The following ANGPT1 variants were observed in gnomAD, a reference collection of about 807,000 sequenced individuals.
ANGPT1 encodes the protein angiopoietin-1.
A neutral mutation model predicts 62.2 loss-of-function variants in ANGPT1; 17 were observed. The ratio of observed to expected loss-of-function variants is 0.27; its 90% confidence interval spans 0.19 to 0.41. The LOEUF (loss-of-function observed/expected upper bound fraction) is 0.41, where lower values mean the gene tolerates loss of function less well. ANGPT1 is among the 10% of genes least tolerant of loss of function. The pLI, the probability that ANGPT1 is intolerant of heterozygous loss-of-function variation, is 1.00. For missense variants in ANGPT1, 478 were observed against 594.9 expected (o/e 0.80, Z 2.04); for synonymous variants, 199 against 198.9 (o/e 1.00, Z 0.00).
intron 4 of ANGPT1, among the ~76,000 whole-genome samples, chr8:107,318,783 G>A (rs749118143): frequency 6.6e-6 from 1 of 151,970 alleles, no homozygotes; most frequent in Admixed American, 6.6e-5. Context: ...GAATGATCAA[G>A]CTAATTAACA....
chr8:107,261,447 T>C (rs1470312947), intron 8 of ANGPT1, among the ~76,000 whole-genome samples: 3 of 152,152 alleles, frequency 2.0e-5, no homozygotes, highest in South Asian at 2.1e-4. Flanking sequence ...GGCTCACACC[T>C]GTAATCCCAG....
intron 7 of ANGPT1, 47 bp downstream of exon 7, chr8:107,284,635 G>A (rs1814095244): frequency 7.5e-7 from 1 of 1,332,404 alleles, no homozygotes; most frequent in African/African-American, 1.5e-5. Context: ...CAATTATTAA[G>A]TGGCTAGGTA....
intron 7 of ANGPT1, among the ~76,000 whole-genome samples, chr8:107,279,236 G>GTT (rs991434076): frequency 1.2e-4 from 19 of 152,210 alleles, no homozygotes; most frequent in African/African-American, 4.6e-4. Context: ...GAATTGAAAG[G>GTT]TAATAAAAAT....
rs920189986 is a variant in ANGPT1, at chr8:107,291,894, G to T, written c.1038+2042C>A. Among the ~76,000 whole-genome samples, 14 of 27,552 alleles carry T rather than the reference G, an allele frequency of 5.1e-4. 1 individual carries two copies. Among genetic ancestry groups the T allele is most frequent in the African/African-American group, 1.5e-3 (12 of 8,182 alleles). The allele number at this position is 27,552 out of a possible 152,430, so 18.1% of individuals were successfully genotyped here. A position where few individuals can be genotyped will look rare whatever the true frequency, so the allele number is the denominator to read the frequency against. ...TACTTTCTATTTCCACTGAAGATGG[G>T]GGGGGGGGGGGGCTTGCCACTTAAT... On this transcript the variant is annotated intron_variant, in intron 6 of 8. Transcript: ENST00000517746.
chr8:107,303,472 T>C (rs1395162546), intron 4 of ANGPT1, 105 bp from the exon 5 acceptor site: 1 of 965,102 alleles, frequency 1.0e-6, no homozygotes. Flanking sequence ...TCCACACAAA[T>C]GTCAATATCG....
Position 107,322,625 on chromosome 8 carries a change from G to A in ANGPT1, c.576-497C>T, listed in dbSNP as rs114643153. On this transcript the variant is annotated intron_variant, in intron 3 of 8. Transcript: ENST00000517746. ...TCTGTGGGATCAAGAATAGTATATT[G>A]ACCATCTGCAAAATCAGAAATAAAG... The A allele has an allele frequency of 4.9e-3, 1,037 of 211,076 alleles. 12 individuals carry two copies. Among genetic ancestry groups the A allele is most frequent in the African/African-American group, 0.023 (988 of 42,236 alleles). 13.1% of individuals were successfully genotyped at this position (211,076 alleles called of 1,614,324 possible).
intron 3 of ANGPT1, among the ~76,000 whole-genome samples, chr8:107,329,501 T>C (rs762550985): frequency 8.5e-5 from 13 of 152,084 alleles, no homozygotes; most frequent in Non-Finnish European, 1.5e-4. Flanking sequence ...AATAGTAACA[T>C]TGAGTGCCAT....
intron 5 of ANGPT1, among the ~76,000 whole-genome samples, chr8:107,300,109 CTATA>C (rs1814550197): frequency 7.1e-6 from 1 of 140,084 alleles, no homozygotes; most frequent in Admixed American, 7.2e-5. Flanking sequence ...CTCTATATAT[CTATA>C]TATAGTATAT....
At chr8:107,449,310 C>A (rs1390913981) in intron 1 of ANGPT1, among the ~76,000 whole-genome samples, 3 of 151,674 alleles carry the variant, frequency 2.0e-5, no homozygotes, top group African/African-American at 7.3e-5. Flanking sequence ...ATTTAATGAA[C>A]TATGTATTTC....
intron 8 of ANGPT1, among the ~76,000 whole-genome samples, chr8:107,259,631 A>C (rs2514875): frequency 0.86 from 130,160 of 152,128 alleles, 55,704 homozygotes; most frequent in Middle Eastern, 0.9. Context: ...ATTATACTGA[A>C]ACTAAAGTAA....
chr8:107,268,729 A>T (rs931468895), intron 7 of ANGPT1, among the ~76,000 whole-genome samples: 2 of 152,124 alleles, frequency 1.3e-5, no homozygotes, highest in Non-Finnish European at 2.9e-5. Flanking sequence ...TATTCTAATA[A>T]GGTGTGAACA....
At chr8:107,422,358 C>G (rs1810915718) in intron 1 of ANGPT1, among the ~76,000 whole-genome samples, 1 of 152,144 alleles carries the variant, frequency 6.6e-6, no homozygotes, top group African/African-American at 2.4e-5. Flanking sequence ...GTTATAATTC[C>G]AATCTGAACC....
At chr8:107,341,065 C>G (rs886825553) in intron 2 of ANGPT1, among the ~76,000 whole-genome samples, 2 of 152,086 alleles carry the variant, frequency 1.3e-5, no homozygotes, top group African/African-American at 2.4e-5. Context: ...TGTTAATTTC[C>G]TAGGGAAAAA....
intron 1 of ANGPT1, among the ~76,000 whole-genome samples, chr8:107,351,459 G>A (rs1815928967): frequency 6.6e-6 from 1 of 152,046 alleles, no homozygotes; most frequent in Non-Finnish European, 1.5e-5. Context: ...TAGCCTCAGA[G>A]TTGCGGGAAG....
chr8:107,321,666 A>T (rs1815152614), intron 4 of ANGPT1, among the ~76,000 whole-genome samples: 1 of 152,180 alleles, frequency 6.6e-6, no homozygotes, highest in Admixed American at 6.5e-5. Flanking sequence ...AGAAATTAGA[A>T]AGCTCTTTCA....
chr8:107,489,698 T>C (rs575796138), intron 1 of ANGPT1, among the ~76,000 whole-genome samples: 2 of 152,160 alleles, frequency 1.3e-5, no homozygotes, highest in South Asian at 2.1e-4. Context: ...ATGGAGGGCG[T>C]CATTCTTTAA....
intron 1 of ANGPT1, among the ~76,000 whole-genome samples, chr8:107,356,994 T>C (rs868680229): frequency 1.3e-5 from 2 of 152,224 alleles, no homozygotes; most frequent in Non-Finnish European, 1.5e-5. Flanking sequence ...CACAAATACA[T>C]TTGCACAATT....
In ANGPT1 at chr8:107,312,367, A is replaced by G. The variant is rs918997358; in HGVS notation, c.809-9000T>C. 2.0e-5 allele frequency among the ~76,000 whole-genome samples: 3 copies of G among 152,338 alleles called. No individual in the cohort carries two copies. The East Asian group carries it at 5.8e-4, about 29-fold the overall frequency. On this transcript the variant is annotated intron_variant, in intron 4 of 8. Coordinates refer to ENST00000517746, the MANE Select transcript of ANGPT1 (RefSeq NM_001146.5). Reference sequence around the variant, plus strand: ...AAAAGATTTCCCATACATGTGGGAAAGCTTAAGGGGCATCTTTTGTGCTCT... The same window carrying G: ...AAAAGATTTCCCATACATGTGGGAAGGCTTAAGGGGCATCTTTTGTGCTCT...
chr8:107,450,215 A>G (rs932068055), intron 1 of ANGPT1, among the ~76,000 whole-genome samples: 3 of 152,082 alleles, frequency 2.0e-5, no homozygotes, highest in African/African-American at 7.2e-5. Flanking sequence ...AAGTAATTTT[A>G]AAGCCATTGT....
Sources: allele counts gnomAD v4.1 joint callset (sites outside exome capture counted in the v4.1 genomes callset), GRCh38; gene constraint gnomAD v4.1.1; transcripts MANE v1.5; gene names NCBI Gene and HGNC (gene_info 2026-07-23, HGNC 2026-07-21).